Variants in ARHGEF28 observed in about 807,000 individuals in gnomAD.
ARHGEF28 encodes the protein 190 kDa guanine nucleotide exchange factor.
Under a neutral mutation model 206.6 loss-of-function variants are expected in ARHGEF28, and 152 were observed. That is an observed-to-expected ratio of 0.74 (90% CI 0.64 to 0.84). ARHGEF28 has a LOEUF of 0.84. Among genes scored for constraint, ARHGEF28 ranks in the 40% least tolerant of loss-of-function variants. The pLI is 0.00. For missense variants in ARHGEF28, 2,028 were observed against 2,073.2 expected (o/e 0.98, Z 0.42); for synonymous variants, 763 against 776.4 (o/e 0.98, Z 0.29).
At chr5:73,812,695 G>T (rs1034602288) in intron 9 of ARHGEF28, among the ~76,000 whole-genome samples, 1 of 152,096 alleles carries the variant, frequency 6.6e-6, no homozygotes, top group Non-Finnish European at 1.5e-5. Flanking sequence ...AGAACTGTTG[G>T]TTTGTGGTAA....
intron 2 of ARHGEF28, among the ~76,000 whole-genome samples, chr5:73,731,150 C>T (rs1269980526): frequency 6.6e-6 from 1 of 151,984 alleles, no homozygotes; most frequent in Non-Finnish European, 1.5e-5. Context: ...GCGTTAGTTT[C>T]TGTGATTGTT....
At chr5:73,744,047 C>T (rs1580556855) in intron 2 of ARHGEF28, among the ~76,000 whole-genome samples, 1 of 151,942 alleles carries the variant, frequency 6.6e-6, no homozygotes. Context: ...CATAATAATA[C>T]CTCCCAGGTA....
chr5:73,653,009 A>G (rs1292315830), intron 1 of ARHGEF28, among the ~76,000 whole-genome samples: 1 of 152,222 alleles, frequency 6.6e-6, no homozygotes, highest in African/African-American at 2.4e-5. Context: ...TGTATCAGGT[A>G]CTTTACATAC....
intron 35 of ARHGEF28, among the ~76,000 whole-genome samples, chr5:73,923,667 T>G (rs1238148863): frequency 6.8e-6 from 1 of 146,298 alleles, no homozygotes; most frequent in Non-Finnish European, 1.5e-5. Context: ...AATTCTTCTT[T>G]GTCTAAAACA....
In ARHGEF28 at chr5:73,901,211, G is replaced by A. The variant is rs763874370; in HGVS notation, c.4001G>A (p.Arg1334Lys). 4.3e-6 allele frequency: 7 copies of A among 1,613,378 alleles called. No homozygotes were observed. Among genetic ancestry groups the A allele is most frequent in the Admixed American group, 1.7e-5 (1 of 59,990 alleles). The change falls in exon 31 of 36, where the codon AGA (arginine) becomes AAA (lysine). Residue 1334 changes from arginine (R) to lysine (K), a missense_variant. Physicochemically the swap from Arg to Lys is conservative, Grantham distance 26. Transcript: ENST00000513042. ...ASLVTGGREG[R>K]GCSDVDPGIQ... ...TTAGTCACAGGAGGGAGAGAAGGAA[G>A]AGGCTGTTCGGATGTGGATCCCGGG...
intron 1 of ARHGEF28, among the ~76,000 whole-genome samples, chr5:73,682,455 T>C (rs973800888): frequency 1.3e-5 from 2 of 151,660 alleles, no homozygotes; most frequent in Admixed American, 1.3e-4. Context: ...TTCACTCTTA[T>C]TGCCCAGGCT....
chr5:73,767,322 A>G (rs1428500186), intron 4 of ARHGEF28, among the ~76,000 whole-genome samples: 1 of 152,176 alleles, frequency 6.6e-6, no homozygotes, highest in Admixed American at 6.5e-5. Flanking sequence ...GGTAACAGGC[A>G]GGGGTTGGAA....
chr5:73,827,632 C>T (rs1350354173), intron 9 of ARHGEF28, among the ~76,000 whole-genome samples: 8 of 152,126 alleles, frequency 5.3e-5, no homozygotes, highest in African/African-American at 1.9e-4. Context: ...CAGTTCAGGG[C>T]TCATGCTTTT....
rs757398737 is a variant in ARHGEF28 at position 73,883,915 on chromosome 5, C to A, written c.3055+31C>A. Reference sequence around the variant, plus strand: ...TTGTGACTTCTGGGATAAAAATTTGCCCCTCTTATTAGTTTTAAACACAGT... The same window carrying A: ...TTGTGACTTCTGGGATAAAAATTTGACCCTCTTATTAGTTTTAAACACAGT... On this transcript the variant is annotated intron_variant, in intron 24 of 35. Coordinates refer to ENST00000513042, the MANE Select transcript of ARHGEF28 (RefSeq NM_001177693.2). The A allele has an allele frequency of 9.3e-6, 13 of 1,400,290 alleles. No individual in the cohort carries two copies. The African/African-American group carries it at 1.0e-4, about 11-fold the overall frequency. 86.7% of individuals were successfully genotyped at this position (1,400,290 alleles called of 1,614,324 possible). A position where few individuals can be genotyped will look rare whatever the true frequency, so the allele number is the denominator to read the frequency against.
rs1349299671 is a variant in ARHGEF28 at position 73,753,073 on chromosome 5, C to A, written c.346C>A (p.Gln116Lys). The A allele has an allele frequency of 1.2e-6, 2 of 1,610,082 alleles. No homozygotes were observed. Among genetic ancestry groups the A allele is most frequent in the Admixed American group, 3.4e-5 (2 of 59,566 alleles). ...QANRLTACSH[Q>K]TLLTPFALTA... The stretch of plus-strand genomic sequence containing the variant: ...CAATCGCCTCACAGCCTGCAGCCAC[C>A]AGACCCTGCTGACCCCATTTGCCTT... The change falls in exon 4 of 36, where the codon CAG (glutamine) becomes AAG (lysine). Residue 116 changes from glutamine (Q) to lysine (K), a missense_variant. Coordinates refer to ENST00000513042, the MANE Select transcript of ARHGEF28 (RefSeq NM_001177693.2).
intron 1 of ARHGEF28, among the ~76,000 whole-genome samples, chr5:73,633,570 A>ATTTTTT (rs764440038): frequency 1.3e-4 from 13 of 101,070 alleles, no homozygotes; most frequent in Non-Finnish European, 1.5e-4. Context: ...AATACCTTTA[A>ATTTTTT]TTTTTTTTTT....
chr5:73,728,439 C>A (rs1750410923), intron 2 of ARHGEF28, among the ~76,000 whole-genome samples: 1 of 152,130 alleles, frequency 6.6e-6, no homozygotes, highest in Admixed American at 6.6e-5. Flanking sequence ...CTATCTAAAT[C>A]AAGTGTTGGA....
At chr5:73,828,678 TTCTTTC>T (rs1288073824) in intron 9 of ARHGEF28, among the ~76,000 whole-genome samples, 1 of 147,810 alleles carries the variant, frequency 6.8e-6, no homozygotes, top group African/African-American at 2.5e-5. Context: ...TCCTTTTCCT[TTCTTTC>T]TCTTTCTCTT....
intron 2 of ARHGEF28, among the ~76,000 whole-genome samples, chr5:73,703,647 T>TTGTGTGTGTGTGTGTGTG (rs56160198): frequency 1.8e-4 from 25 of 139,708 alleles, no homozygotes; most frequent in African/African-American, 5.8e-4. Flanking sequence ...TTTCCCAGCA[T>TTGTGTGTGTGTGTGTGTG]TGTGTGTGTG....
At chr5:73,804,203 T>A (rs1341858577) in intron 9 of ARHGEF28, among the ~76,000 whole-genome samples, 3 of 152,072 alleles carry the variant, frequency 2.0e-5, no homozygotes, top group Non-Finnish European at 4.4e-5. Context: ...CCAATGAAAT[T>A]TCAGCCCATC....
At chr5:73,820,790 T>G (rs977106129) in intron 9 of ARHGEF28, among the ~76,000 whole-genome samples, 3 of 152,166 alleles carry the variant, frequency 2.0e-5, no homozygotes, top group Non-Finnish European at 2.9e-5. Flanking sequence ...TCGGGATTTA[T>G]GGGATCCCAT....
In ARHGEF28 at chr5:73,858,103, C is replaced by T. The variant is rs1759162955; in HGVS notation, c.1931C>T (p.Ala644Val). ...RNKSKTKSKD[A>V]KDKEKLNRHQ... Reference sequence around the variant, plus strand: ...CATCTGAAGACAAAAAGCAAGGATGCCAAAGATAAAGAGAAGCTGAATCGA... The same window carrying T: ...CATCTGAAGACAAAAAGCAAGGATGTCAAAGATAAAGAGAAGCTGAATCGA... The change falls in exon 16 of 36, where the codon GCC becomes GTC. Residue 644 changes from alanine to valine, a missense_variant. Transcript: ENST00000513042. 1 of 1,607,660 alleles carries T rather than the reference C, an allele frequency of 6.2e-7. No homozygotes were observed. Among genetic ancestry groups the T allele is most frequent in the Non-Finnish European group, 8.5e-7 (1 of 1,178,078 alleles).
chr5:73,761,738 C>T (rs545285933), intron 4 of ARHGEF28, among the ~76,000 whole-genome samples: 4 of 152,248 alleles, frequency 2.6e-5, no homozygotes, highest in African/African-American at 9.6e-5. Context: ...TGTATGTGTA[C>T]TGTGAGTGGC....
rs200092937 is a variant in ARHGEF28 at position 73,893,262 on chromosome 5, G to T, written c.3632G>T (p.Arg1211Ile). 1,816 of 1,557,882 alleles carry T rather than the reference G, an allele frequency of 1.2e-3. 1 individual carries two copies. Among genetic ancestry groups the T allele is most frequent in the Non-Finnish European group, 1.3e-3 (1,515 of 1,151,010 alleles). ...GAAGACAAGAGGAAAGCTGAAGCCA[G>T]AGTGGCCAAAATTCAGCAATGTCAA... ...SDEDKRKAEA[R>I]VAKIQQCQEI... Residue 1211 changes from arginine to isoleucine, a missense_variant, in exon 28 of 36, where the codon AGA (arginine) becomes ATA (isoleucine). Physicochemically the swap from Arg to Ile is moderately conservative, Grantham distance 97. Transcript: ENST00000513042.
Sources: gnomAD v4.1 joint callset for allele counts (sites outside exome capture counted in the v4.1 genomes callset) on GRCh38, gnomAD v4.1.1 for gene constraint, MANE v1.5 for transcripts, NCBI Gene and HGNC (gene_info 2026-07-23, HGNC 2026-07-21) for gene names.